RPS5: variants seen among roughly 807,000 people sequenced by gnomAD.
RPS5 encodes the protein ribosomal protein S5.
In RPS5, 2 loss-of-function variants were observed where a neutral mutation model predicts 20.9. The ratio of observed to expected loss-of-function variants is 0.10; its 90% CI spans 0.04 to 0.30. The LOEUF (loss-of-function observed/expected upper bound fraction) is 0.30. Among genes scored for constraint, RPS5 ranks in the 10% least tolerant of loss-of-function variants. The pLI is 1.00. For synonymous variants in RPS5, 112 were observed against 105.8 expected (o/e 1.06, Z -0.36); for missense variants, 122 against 287.2 (o/e 0.42, Z 4.16).
chr19:58,393,936 C>T (rs188850374), intron 4 of RPS5: 17 of 175,974 alleles, frequency 9.7e-5, no homozygotes, highest in African/African-American at 3.6e-4. Flanking sequence ...TTTATAGTGG[C>T]GCATTGTCAA....
chr19:58,391,930 CA>C (rs1419984615), intron 2 of RPS5, among the ~76,000 whole-genome samples: 1 of 151,880 alleles, frequency 6.6e-6, no homozygotes, highest in Non-Finnish European at 1.5e-5. Flanking sequence ...TCTCAAAAAA[CA>C]AAAAACCAAA....
In RPS5 at chr19:58,392,823, G is replaced by T. The variant is rs549274688; in HGVS notation, c.109-153G>T. Among the ~76,000 whole-genome samples, 8 of 152,250 alleles carry T rather than the reference G, an allele frequency of 5.3e-5. No homozygotes were observed. The South Asian group carries it at 1.2e-3, about 24-fold the overall frequency. ...GGTTTTTTTCCTCATGGTGGATGGG[G>T]CTTACATCCAAGTCCCCTGTTGAGG... On this transcript the variant is annotated intron_variant, in intron 2 of 5. Transcript: ENST00000196551.
chr19:58,388,359 A>T (rs2052340498), intron 2 of RPS5, 114 bp downstream of exon 2: 2 of 732,482 alleles, frequency 2.7e-6, no homozygotes. Context: ...CATAACAGGT[A>T]AAGAAGGGAT....
chr19:58,392,618 CAA>C (rs112715872), intron 2 of RPS5, among the ~76,000 whole-genome samples: 1 of 133,272 alleles, frequency 7.5e-6, no homozygotes, highest in Non-Finnish European at 1.7e-5. Flanking sequence ...GTGAGAGACT[CAA>C]AAAAAAAAAA....
chr19:58,393,170 C>T lies in RPS5; in HGVS notation c.303C>T (p.His101=), dbSNP rs764798367. The change falls in exon 3 of 6, where the codon CAC becomes CAT. Residue 101 remains histidine (H), a synonymous_variant. Coordinates refer to ENST00000196551, the MANE Select transcript of RPS5 (RefSeq NM_001009.4). ...RIVKHAFEII[H]LLTGENPLQV... is the part of the protein sequence containing the mutation. ...TCAAGCATGCCTTCGAGATCATACA[C>T]CTGCTCACAGGCGAGGTAGGGCTCT... 16 of 1,614,118 alleles carry T rather than the reference C, an allele frequency of 9.9e-6. No individual in the cohort carries two copies. Among genetic ancestry groups the T allele is most frequent in the Non-Finnish European group, 1.7e-6 (2 of 1,180,052 alleles).
At chr19:58,392,892 A>T in intron 2 of RPS5, 84 bp from the exon 3 acceptor site, 1 of 1,293,368 alleles carries the variant, frequency 7.7e-7, no homozygotes, top group Non-Finnish European at 1.1e-6. Flanking sequence ...CCGAATGGGT[A>T]CTTGATCTCT....
chr19:58,394,299 T>C (rs1166789057), intron 4 of RPS5, 198 bp from the exon 5 acceptor site: 1 of 583,204 alleles, frequency 1.7e-6, no homozygotes, highest in Non-Finnish European at 3.1e-6. Context: ...GGGACGCAAC[T>C]TCAGCCTGTG....
rs1312805397 is a variant in RPS5, at chr19:58,387,933, G to C, written c.-1-204G>C. 3 of 580,490 alleles carry C rather than the reference G, an allele frequency of 5.2e-6. No individual in the cohort carries two copies. The Admixed American group carries it at 9.1e-5, about 18-fold the overall frequency. The allele number at this position is 580,490 out of a possible 1,614,324, so 36.0% of individuals were successfully genotyped here. On this transcript the variant is annotated intron_variant, in intron 1 of 5. Coordinates refer to ENST00000196551, the MANE Select transcript of RPS5 (RefSeq NM_001009.4). Reference sequence around the variant, plus strand: ...TGGCTGCCAAGTCTTGGGCCCAGGGGTTCTAGGTGAAAGACAGATGCTTCT... The same window carrying C: ...TGGCTGCCAAGTCTTGGGCCCAGGGCTTCTAGGTGAAAGACAGATGCTTCT...
At chr19:58,388,635 A>AT (rs1436849564) in intron 2 of RPS5, 42 of 200,558 alleles carry the variant, frequency 2.1e-4, no homozygotes, top group South Asian at 4.5e-4. Context: ...AGCTGGCCGT[A>AT]GTTTTTTTTT....
At chr19:58,389,256 C>T (rs567477089) in intron 2 of RPS5, among the ~76,000 whole-genome samples, 3 of 152,140 alleles carry the variant, frequency 2.0e-5, no homozygotes, top group South Asian at 4.1e-4. Flanking sequence ...TCACTTTCCT[C>T]CTCTTTTTTT....
intron 2 of RPS5, among the ~76,000 whole-genome samples, chr19:58,390,784 T>C (rs1484998151): frequency 1.3e-5 from 2 of 152,148 alleles, no homozygotes; most frequent in Non-Finnish European, 2.9e-5. Context: ...TCCTGGGGAA[T>C]TTGGTGTTTG....
rs2052385889 is a variant in RPS5, at chr19:58,394,735, C to T, written c.600C>T (p.Ala200=). Residue 200 remains alanine (A), a synonymous_variant, in exon 6 of 6, where the codon GCC becomes GCT. Transcript: ENST00000196551. ...IKKKDELERV[A]KSNR is the part of the protein sequence containing the mutation. ...AGAAGGACGAGCTGGAGCGTGTGGCCAAGTCCAACCGCTGATTTTCCCAGC... is the reference window on the plus strand; with the variant it reads ...AGAAGGACGAGCTGGAGCGTGTGGCTAAGTCCAACCGCTGATTTTCCCAGC... The T allele has an allele frequency of 1.9e-6, 3 of 1,613,904 alleles. No individual in the cohort carries two copies. The African/African-American group carries it at 4.0e-5, about 22-fold the overall frequency.
intron 1 of RPS5, chr19:58,387,743 T>C (rs1172112722): frequency 8.0e-6 from 2 of 250,894 alleles, no homozygotes; most frequent in Non-Finnish European, 1.6e-5. Context: ...CATATAACGG[T>C]CCCGCCTCAC....
intron 2 of RPS5, among the ~76,000 whole-genome samples, chr19:58,389,087 C>T (rs1310283462): frequency 1.3e-5 from 2 of 152,138 alleles, no homozygotes; most frequent in Non-Finnish European, 2.9e-5. Flanking sequence ...TTTACACATA[C>T]CCTTTTTTTC....
Position 58,388,115 on chromosome 19 carries a change from T to C in RPS5, c.-1-22T>C, listed in dbSNP as rs115051713. On this transcript the variant is annotated intron_variant, in intron 1 of 5. Transcript: ENST00000196551. ...TGCTAGCTGAGCTCTGACGTTTTTT[T>C]CCTGTCATCACCCTGTCCCAGGATG... The C allele has an allele frequency of 4.3e-4, 673 of 1,577,472 alleles. 3 individuals are homozygous for C. The African/African-American group carries it at 7.5e-3, about 17-fold the overall frequency.
At chr19:58,390,226 C>T (rs1489194261) in intron 2 of RPS5, among the ~76,000 whole-genome samples, 1 of 146,292 alleles carries the variant, frequency 6.8e-6, no homozygotes, top group Admixed American at 6.8e-5. Flanking sequence ...CAGAGTCTCT[C>T]TCTGCCTCCC....
chr19:58,394,690 G>C lies in RPS5; in HGVS notation c.555G>C (p.Ser185=). The change falls in exon 6 of 6, where the codon TCG becomes TCC. Residue 185 remains serine, a synonymous_variant. Transcript: ENST00000196551. The part of the protein sequence containing the change: ...DELINAAKGS[S]NSYAIKKKDE... ...TGTGTGTCTCCTTGCAGGGCTCCTC[G>C]AACTCCTATGCCATTAAGAAGAAGG... 1.9e-6 allele frequency: 3 copies of C among 1,614,074 alleles called. No homozygotes were observed. Among genetic ancestry groups the C allele is most frequent in the Non-Finnish European group, 2.5e-6 (3 of 1,180,032 alleles).
chr19:58,393,706 G>T, intron 4 of RPS5: 1 of 575,488 alleles, frequency 1.7e-6, no homozygotes, highest in Non-Finnish European at 3.0e-6. Flanking sequence ...CTTTCCTTTG[G>T]GTGTATATTT....
chr19:58,393,168 C>T lies in RPS5; in HGVS notation c.301C>T (p.His101Tyr). The T allele has an allele frequency of 6.2e-7, 1 of 1,614,238 alleles. No individual in the cohort carries two copies. Among genetic ancestry groups the T allele is most frequent in the Non-Finnish European group, 8.5e-7 (1 of 1,180,044 alleles). The change falls in exon 3 of 6, where the codon CAC (histidine) becomes TAC (tyrosine). Residue 101 changes from histidine to tyrosine, a missense_variant. Around this residue, in one of 6 missense-constraint regions of RPS5, gnomAD observed 49 missense variants for 64.9 expected, o/e 0.75. Coordinates refer to ENST00000196551, the MANE Select transcript of RPS5 (RefSeq NM_001009.4). ...RIVKHAFEII[H>Y]LLTGENPLQV... ...CGTCAAGCATGCCTTCGAGATCATACACCTGCTCACAGGCGAGGTAGGGCT... is the reference window on the plus strand; with the variant it reads ...CGTCAAGCATGCCTTCGAGATCATATACCTGCTCACAGGCGAGGTAGGGCT...
Sources: gnomAD v4.1 joint callset for allele counts (sites outside exome capture counted in the v4.1 genomes callset) on GRCh38, gnomAD v4.1.1 for gene constraint, gnomAD v4.1.1 regional missense constraint, MANE v1.5 for transcripts, NCBI Gene and HGNC (gene_info 2026-07-23, HGNC 2026-07-21) for gene names.